The following EIF3E variants were observed in gnomAD, a reference collection of about 807,000 sequenced individuals.
EIF3E encodes eIF-3 p48.
A neutral mutation model predicts 59.3 loss-of-function variants in EIF3E; 25 were observed. That is an observed-to-expected ratio of 0.42 (90% CI 0.31 to 0.59). The LOEUF is 0.59. EIF3E is among the 20% of genes least tolerant of loss of function. EIF3E has a pLI of 0.15. For synonymous variants in EIF3E, 176 were observed against 170.2 expected (o/e 1.03, Z -0.26); for missense variants, 317 against 534.3 (o/e 0.59, Z 4.01).
intron 5 of EIF3E, 153 bp from the exon 6 acceptor site, chr8:108,229,348 GGTTT>G (rs1815579104): frequency 7.4e-6 from 5 of 675,124 alleles, no homozygotes; most frequent in Middle Eastern, 2.9e-4. Flanking sequence ...GGATCACACT[GGTTT>G]GTTTCAAAAA....
chr8:108,246,284 TGGGG>T (rs59396353), intron 1 of EIF3E, among the ~76,000 whole-genome samples: 27,588 of 126,660 alleles, frequency 0.22, 3,024 homozygotes, highest in Admixed American at 0.28. Context: ...TAAGGGGGTG[TGGGG>T]GGGGGGGGCT....
intron 9 of EIF3E, among the ~76,000 whole-genome samples, 165 bp from the exon 10 acceptor site, chr8:108,214,881 GTAA>G (rs1359033830): frequency 6.6e-6 from 1 of 152,164 alleles, no homozygotes; most frequent in Admixed American, 6.5e-5. Flanking sequence ...TAAATAAGTA[GTAA>G]ACGAATACCA....
intron 5 of EIF3E, among the ~76,000 whole-genome samples, chr8:108,231,286 C>T (rs1586204878): frequency 6.6e-6 from 1 of 152,000 alleles, no homozygotes; most frequent in East Asian, 1.9e-4. Flanking sequence ...GTTTCTAAAA[C>T]CAAAAACCCA....
At chr8:108,236,923 G>A (rs1008392545) in intron 3 of EIF3E, among the ~76,000 whole-genome samples, 2 of 152,022 alleles carry the variant, frequency 1.3e-5, no homozygotes, top group Non-Finnish European at 2.9e-5. Flanking sequence ...TTGGGAGGCT[G>A]AGGCAGGAGA....
chr8:108,233,657 C>T (rs1325767483), intron 5 of EIF3E: 5 of 408,464 alleles, frequency 1.2e-5, no homozygotes, highest in Non-Finnish European at 2.5e-5. Context: ...GCCTGGGCAA[C>T]ATAGCAAGAC....
intron 3 of EIF3E, 122 bp from the exon 4 acceptor site, chr8:108,236,325 G>T: frequency 1.6e-6 from 1 of 644,680 alleles, no homozygotes; most frequent in Non-Finnish European, 2.6e-6. Flanking sequence ...AATGTTAAAA[G>T]ACTTCCAGAA....
At chr8:108,234,008 G>C (rs969826817) in intron 5 of EIF3E, among the ~76,000 whole-genome samples, 5 of 151,964 alleles carry the variant, frequency 3.3e-5, no homozygotes, top group Non-Finnish European at 7.4e-5. Flanking sequence ...GAGTGAGAAC[G>C]AAGTACATCA....
At chr8:108,224,264 A>T in intron 7 of EIF3E, among the ~76,000 whole-genome samples, 1 of 151,686 alleles carries the variant, frequency 6.6e-6, no homozygotes, top group Middle Eastern at 3.4e-3. Flanking sequence ...TATGCAATTT[A>T]CAATCTACAT....
chr8:108,242,049 T>C lies in EIF3E; in HGVS notation c.91-136A>G, dbSNP rs1009400349. The C allele has an allele frequency of 3.9e-6, 5 of 1,268,012 alleles. No individual in the cohort carries two copies. In the African/African-American group the frequency reaches 6.0e-5, roughly 15 times the overall value. 78.5% of individuals were successfully genotyped at this position (1,268,012 alleles called of 1,614,324 possible). Reference sequence around the variant, plus strand: ...ACGATAAACCATTAACATTCCCCTCTTGTAATAATGGCAAGCAATATGGCA... The same window carrying C: ...ACGATAAACCATTAACATTCCCCTCCTGTAATAATGGCAAGCAATATGGCA... On this transcript the variant is annotated intron_variant, in intron 1 of 12. Transcript: ENST00000220849.
intron 1 of EIF3E, among the ~76,000 whole-genome samples, chr8:108,244,080 A>G (rs1427609301): frequency 6.6e-6 from 1 of 152,248 alleles, no homozygotes; most frequent in Non-Finnish European, 1.5e-5. Flanking sequence ...AAAATACTAT[A>G]TAAGTACTCA....
intron 1 of EIF3E, among the ~76,000 whole-genome samples, chr8:108,246,197 C>T (rs535985954): frequency 6.7e-6 from 1 of 149,496 alleles, no homozygotes; most frequent in Non-Finnish European, 1.5e-5. Context: ...TTAAAACTTA[C>T]GAATTGCTAA....
At chr8:108,238,803 T>C (rs1248211570) in intron 3 of EIF3E, among the ~76,000 whole-genome samples, 3 of 152,206 alleles carry the variant, frequency 2.0e-5, no homozygotes, top group South Asian at 4.1e-4. Context: ...AAATCAAAGG[T>C]ATAGCACGGC....
intron 10 of EIF3E, among the ~76,000 whole-genome samples, chr8:108,206,650 A>ACACG (rs1815108178): frequency 1.3e-5 from 2 of 151,988 alleles, no homozygotes; most frequent in African/African-American, 4.8e-5. Flanking sequence ...ACACACATAC[A>ACACG]CACGCACGCA....
At chr8:108,225,996 C>G (rs930116256) in intron 7 of EIF3E, among the ~76,000 whole-genome samples, 1 of 152,078 alleles carries the variant, frequency 6.6e-6, no homozygotes, top group Non-Finnish European at 1.5e-5. Flanking sequence ...TTAACATAAT[C>G]GGTACCTTCT....
At chr8:108,220,307 A>G (rs182222781) in intron 7 of EIF3E, among the ~76,000 whole-genome samples, 23 of 152,362 alleles carry the variant, frequency 1.5e-4, no homozygotes, top group Non-Finnish European at 4.4e-5. Context: ...CACATTGCAG[A>G]TTAATCACTT....
chr8:108,214,509 C>T, intron 10 of EIF3E, 98 bp downstream of exon 10: 1 of 866,276 alleles, frequency 1.2e-6, no homozygotes, highest in Non-Finnish European at 1.7e-6. Context: ...AAATAAAAAT[C>T]CAATTAACTG....
At chr8:108,238,077 G>A (rs889070833) in intron 3 of EIF3E, among the ~76,000 whole-genome samples, 2 of 152,108 alleles carry the variant, frequency 1.3e-5, no homozygotes, top group African/African-American at 4.8e-5. Flanking sequence ...TTACTTCCCA[G>A]TCTTTGAGTG....
intron 10 of EIF3E, among the ~76,000 whole-genome samples, chr8:108,204,731 G>GTATA (rs148053969): frequency 0.017 from 1,481 of 86,228 alleles, 21 homozygotes; most frequent in Non-Finnish European, 0.021. Context: ...TAGTATGTAT[G>GTATA]TATATATATA....
intron 8 of EIF3E, 34 bp downstream of exon 8, chr8:108,217,300 T>A (rs1307380315): frequency 2.8e-5 from 37 of 1,343,164 alleles, no homozygotes; most frequent in Admixed American, 5.0e-5. Flanking sequence ...CTTAGGTATT[T>A]AAAAAAAAAA....
Sources: allele counts gnomAD v4.1 joint callset (sites outside exome capture counted in the v4.1 genomes callset), GRCh38; gene constraint gnomAD v4.1.1; transcripts MANE v1.5; gene names NCBI Gene and HGNC (gene_info 2026-07-23, HGNC 2026-07-21).